The following STAG1 variants were observed in gnomAD, a reference collection of about 807,000 sequenced individuals.
STAG1 encodes the protein cohesin subunit SA-1.
In STAG1, 26 loss-of-function variants were observed where a neutral mutation model predicts 170.9. That is an observed-to-expected ratio of 0.15 (90% CI 0.11 to 0.21). The LOEUF (loss-of-function observed/expected upper bound fraction) is 0.21, where lower values mean the gene tolerates loss of function less well. STAG1 is among the 10% of genes least tolerant of loss of function. STAG1 has a pLI of 1.00. For missense variants in STAG1, 964 were observed against 1,509.5 expected (o/e 0.64, Z 5.99); for synonymous variants, 514 against 497.7 (o/e 1.03, Z -0.44).
chr3:136,747,672 C>A (rs1935014675), intron 1 of STAG1, among the ~76,000 whole-genome samples: 1 of 151,960 alleles, frequency 6.6e-6, no homozygotes, highest in African/African-American at 2.4e-5. Context: ...AGAGAGAGAC[C>A]CTGTCTCAAA....
chr3:136,446,472 G>A (rs2088780905), intron 14 of STAG1, among the ~76,000 whole-genome samples: 1 of 151,544 alleles, frequency 6.6e-6, no homozygotes, highest in Non-Finnish European at 1.5e-5. Context: ...GCCCAGCCTG[G>A]AATGCTACGG....
chr3:136,670,774 GT>G (rs987944454), intron 1 of STAG1, among the ~76,000 whole-genome samples: 14 of 152,034 alleles, frequency 9.2e-5, no homozygotes, highest in African/African-American at 3.4e-4. Flanking sequence ...GCCCGGACTT[GT>G]TTTTTCTTTT....
At chr3:136,636,032 G>C (rs1272093491) in intron 1 of STAG1, among the ~76,000 whole-genome samples, 1 of 152,172 alleles carries the variant, frequency 6.6e-6, no homozygotes, top group Non-Finnish European at 1.5e-5. Flanking sequence ...TGGATCACCT[G>C]AGGTCAGGAG....
chr3:136,685,670 A>G (rs967837490), intron 1 of STAG1, among the ~76,000 whole-genome samples: 2 of 152,228 alleles, frequency 1.3e-5, no homozygotes, highest in Admixed American at 6.5e-5. Context: ...TATTAAGTGA[A>G]AGAAGCCAAT....
At chr3:136,502,044 G>A (rs1377774090) in intron 8 of STAG1, among the ~76,000 whole-genome samples, 1 of 151,942 alleles carries the variant, frequency 6.6e-6, no homozygotes, top group East Asian at 1.9e-4. Flanking sequence ...AGCCAGGAGT[G>A]GTGGCACATG....
At chr3:136,567,630 G>C (rs189565236) in intron 5 of STAG1, among the ~76,000 whole-genome samples, 2 of 152,218 alleles carry the variant, frequency 1.3e-5, no homozygotes, top group East Asian at 3.9e-4. Flanking sequence ...TTGTGGCTGG[G>C]GACACACACT....
intron 4 of STAG1, among the ~76,000 whole-genome samples, chr3:136,574,860 G>A (rs1937398736): frequency 6.6e-6 from 1 of 152,102 alleles, no homozygotes; most frequent in South Asian, 2.1e-4. Flanking sequence ...AACAATTACA[G>A]AATACACATT....
At chr3:136,614,715 A>G (rs1167033647) in intron 3 of STAG1, among the ~76,000 whole-genome samples, 4 of 152,222 alleles carry the variant, frequency 2.6e-5, no homozygotes, top group Non-Finnish European at 1.5e-5. Context: ...CTTATCCCAA[A>G]TACTCTATTC....
intron 2 of STAG1, among the ~76,000 whole-genome samples, chr3:136,626,199 C>T (rs939134705): frequency 6.6e-6 from 1 of 152,092 alleles, no homozygotes; most frequent in African/African-American, 2.4e-5. Flanking sequence ...AGGCCAAGGC[C>T]AGCAGATCAT....
chr3:136,546,187 A>G (rs72989481), intron 5 of STAG1, among the ~76,000 whole-genome samples: 122 of 152,340 alleles, frequency 8.0e-4, no homozygotes, highest in African/African-American at 2.9e-3. Context: ...AACTATTAAA[A>G]TAAGTTCATA....
chr3:136,479,060 C>CTTTTTTTTTTTTTTTTTTATTTTTTT (rs66966875), intron 9 of STAG1, among the ~76,000 whole-genome samples: 2 of 125,172 alleles, frequency 1.6e-5, no homozygotes, highest in Non-Finnish European at 3.2e-5. Flanking sequence ...TATAATCTTT[C>CTTTTTTTTTTTTTTTTTTATTTTTTT]TTTTTTTTTT....
intron 10 of STAG1, among the ~76,000 whole-genome samples, chr3:136,475,461 G>GA (rs2089726254): frequency 6.6e-6 from 1 of 152,076 alleles, no homozygotes; most frequent in Admixed American, 6.5e-5. Flanking sequence ...GGTTACTCTT[G>GA]AGAGTACAAA....
At chr3:136,463,575 T>C (rs1010210868) in intron 13 of STAG1, among the ~76,000 whole-genome samples, 1 of 151,866 alleles carries the variant, frequency 6.6e-6, no homozygotes, top group African/African-American at 2.4e-5. Context: ...AATATGTTTA[T>C]ATTTTAAATA....
intron 1 of STAG1, among the ~76,000 whole-genome samples, chr3:136,697,963 T>TG: frequency 6.6e-6 from 1 of 152,248 alleles, no homozygotes; most frequent in African/African-American, 2.4e-5. Context: ...CATATTTTAC[T>TG]GTTTTCTTAT....
chr3:136,594,691 G>C (rs965377773), intron 4 of STAG1, among the ~76,000 whole-genome samples: 2 of 152,192 alleles, frequency 1.3e-5, no homozygotes, highest in African/African-American at 4.8e-5. Flanking sequence ...ATGAAGGTAA[G>C]GGTCAGGTGA....
chr3:136,633,710 A>AAGGGGGGG (rs1491192814), intron 1 of STAG1, among the ~76,000 whole-genome samples: 1 of 44,808 alleles, frequency 2.2e-5, no homozygotes, highest in Non-Finnish European at 3.9e-5. Flanking sequence ...TCAAAAAAAA[A>AAGGGGGGG]GGGGGGGGGG....
intron 1 of STAG1, among the ~76,000 whole-genome samples, chr3:136,706,849 C>T (rs889071056): frequency 8.6e-5 from 13 of 151,992 alleles, no homozygotes; most frequent in Admixed American, 2.0e-4. Flanking sequence ...GTGTGGTATT[C>T]GCATAAGGAC....
chr3:136,442,704 A>AC (rs397793224), intron 15 of STAG1, among the ~76,000 whole-genome samples: 2 of 151,966 alleles, frequency 1.3e-5, no homozygotes, highest in Non-Finnish European at 2.9e-5. Flanking sequence ...AAAAAAAAAA[A>AC]CATTAAGTTA....
At chr3:136,666,875 C>T (rs1455782968) in intron 1 of STAG1, among the ~76,000 whole-genome samples, 1 of 150,920 alleles carries the variant, frequency 6.6e-6, no homozygotes, top group Non-Finnish European at 1.5e-5. Flanking sequence ...AGTAGTGTGG[C>T]TTGTGCTCTT....
Sources: gnomAD v4.1 joint callset for allele counts (sites outside exome capture counted in the v4.1 genomes callset) on GRCh38, gnomAD v4.1.1 for gene constraint, MANE v1.5 for transcripts, NCBI Gene and HGNC (gene_info 2026-07-23, HGNC 2026-07-21) for gene names.